ZNF385D: variants seen among roughly 807,000 people sequenced by gnomAD.
ZNF385D encodes zinc finger protein 659.
ZNF385D carries 15 observed loss-of-function variants against 35.8 expected under a neutral mutation model. That is an observed-to-expected ratio of 0.42 (90% CI 0.28 to 0.64). The LOEUF (loss-of-function observed/expected upper bound fraction) is 0.64. ZNF385D is among the 30% of genes least tolerant of loss of function. The probability of loss-of-function intolerance (pLI) is 0.23; values close to 1 mark genes in which losing one functional copy is unlikely to be tolerated. For synonymous variants in ZNF385D, 212 were observed against 186.8 expected (o/e 1.13, Z -1.10); for missense variants, 474 against 494.6 (o/e 0.96, Z 0.39).
At chr3:21,579,253 G>A (rs2063582150) in intron 2 of ZNF385D, 1 of 152,170 alleles carries the variant, frequency 6.6e-6, no homozygotes, top group Non-Finnish European at 1.5e-5. Flanking sequence ...AATTGAAAAG[G>A]AAATATATTC....
intron 3 of ZNF385D, among the ~76,000 whole-genome samples, chr3:22,008,504 C>A (rs988937985): frequency 6.6e-6 from 1 of 151,984 alleles, no homozygotes; most frequent in Non-Finnish European, 1.5e-5. Context: ...CTACAGGCGC[C>A]CGCCACCTCT....
chr3:21,544,239 G>T (rs932119777), intron 3 of ZNF385D, among the ~76,000 whole-genome samples: 3 of 152,214 alleles, frequency 2.0e-5, no homozygotes, highest in African/African-American at 7.2e-5. Context: ...TGCTTTGCCA[G>T]CTTCGCAATT....
chr3:21,806,256 C>A (rs1199699371), intron 3 of ZNF385D, among the ~76,000 whole-genome samples: 2 of 149,602 alleles, frequency 1.3e-5, no homozygotes, highest in Non-Finnish European at 3.0e-5. Context: ...CCAATCTAAA[C>A]TCTTTTTGTA....
intron 3 of ZNF385D, among the ~76,000 whole-genome samples, chr3:22,088,775 G>T (rs1339886639): frequency 6.6e-6 from 1 of 152,032 alleles, no homozygotes; most frequent in Non-Finnish European, 1.5e-5. Flanking sequence ...AAGAAAACCA[G>T]ACAACACTGC....
chr3:21,786,292 C>A (rs980522533), intron 3 of ZNF385D, among the ~76,000 whole-genome samples: 1 of 152,138 alleles, frequency 6.6e-6, no homozygotes, highest in African/African-American at 2.4e-5. Flanking sequence ...GCACGGCATG[C>A]CAGTAAATGT....
At chr3:21,740,009 A>G (rs2069433582) in intron 1 of ZNF385D, among the ~76,000 whole-genome samples, 1 of 152,182 alleles carries the variant, frequency 6.6e-6, no homozygotes, top group Admixed American at 6.5e-5. Flanking sequence ...TGAGAGTTGA[A>G]TCTAAGGTTC....
chr3:21,676,080 T>C (rs1382828858), intron 1 of ZNF385D, among the ~76,000 whole-genome samples: 1 of 152,136 alleles, frequency 6.6e-6, no homozygotes, highest in Non-Finnish European at 1.5e-5. Flanking sequence ...GTTGTTGGCA[T>C]GTCACTGTCA....
intron 3 of ZNF385D, among the ~76,000 whole-genome samples, chr3:21,780,960 C>A (rs2125635574): frequency 6.6e-6 from 1 of 152,118 alleles, no homozygotes; most frequent in Non-Finnish European, 1.5e-5. Context: ...ATAAAATCTC[C>A]AAGTTTAGAG....
rs571987404 is a variant in ZNF385D at position 21,651,275 on chromosome 3, G to A, written c.165+13611C>T. On this transcript the variant is annotated intron_variant, in intron 2 of 7. Transcript: ENST00000281523. ...CGCACTCCAGCCTGGGCGACAGAGC[G>A]AGACTTCATCTCAAAAAAAAAAAAA... 5.4e-3 allele frequency among the ~76,000 whole-genome samples: 612 copies of A among 112,664 alleles called. 2 individuals are homozygous for A. The highest frequency in any genetic ancestry group is 0.02 in the African/African-American group (557 of 28,184). 73.9% of individuals were successfully genotyped at this position (112,664 alleles called of 152,430 possible).
In ZNF385D at chr3:21,975,632, T is replaced by C. The variant is rs181979088; in HGVS notation, c.325+193185A>G. Reference sequence around the variant, plus strand: ...TTTGATGTGATTTTTACACATTGTATACTTTTATCAAAATACCTCATGTGC... The same window carrying C: ...TTTGATGTGATTTTTACACATTGTACACTTTTATCAAAATACCTCATGTGC... On this transcript the variant is annotated intron_variant, in intron 3 of 5. Transcript: ENST00000494108. 1.1e-4 allele frequency among the ~76,000 whole-genome samples: 16 copies of C among 150,628 alleles called. 1 individual carries two copies. Among genetic ancestry groups the C allele is most frequent in the African/African-American group, 2.9e-4 (12 of 41,310 alleles).
intron 2 of ZNF385D, among the ~76,000 whole-genome samples, chr3:22,261,163 C>A (rs1024490340): frequency 6.6e-6 from 1 of 151,916 alleles, no homozygotes; most frequent in South Asian, 2.1e-4. Context: ...CTACTTATAG[C>A]CTCTCAAATT....
chr3:21,436,881 C>A (rs1559446121), intron 5 of ZNF385D, 89 bp downstream of exon 5: 3 of 1,230,088 alleles, frequency 2.4e-6, no homozygotes, highest in South Asian at 1.4e-5. Context: ...TTCCTCCACC[C>A]CTTTGTCCCC....
At chr3:21,582,753 T>A (rs1335989483) in intron 2 of ZNF385D, among the ~76,000 whole-genome samples, 3 of 150,610 alleles carry the variant, frequency 2.0e-5, no homozygotes, top group Non-Finnish European at 3.0e-5. Context: ...TTTTTAACAC[T>A]TTTATTTATT....
At position 22,307,825 on chromosome 3, in the gene ZNF385D, A is replaced by G. The variant is rs537189017; in HGVS notation, c.106+64625T>C. 1.4e-4 allele frequency among the ~76,000 whole-genome samples: 22 copies of G among 152,156 alleles called. No homozygotes were observed. The East Asian group carries it at 2.1e-3, about 15-fold the overall frequency. Reference sequence around the variant, plus strand: ...AAGGCAAATCACATAAGACATATGAAGCAACAAAGAAGAAACACTGCATAT... The same window carrying G: ...AAGGCAAATCACATAAGACATATGAGGCAACAAAGAAGAAACACTGCATAT... On this transcript the variant is annotated intron_variant, in intron 2 of 5. Transcript: ENST00000494108.
At chr3:22,333,677 C>A (rs546446052) in intron 2 of ZNF385D, among the ~76,000 whole-genome samples, 1 of 152,200 alleles carries the variant, frequency 6.6e-6, no homozygotes, top group African/African-American at 2.4e-5. Flanking sequence ...CATTTCCGAA[C>A]TTCCACCTTC....
At chr3:22,284,865 G>A (rs1323469083) in intron 2 of ZNF385D, among the ~76,000 whole-genome samples, 1 of 152,092 alleles carries the variant, frequency 6.6e-6, no homozygotes, top group Admixed American at 6.6e-5. Context: ...AGTCTATTTT[G>A]ACAGACCCAA....
intron 2 of ZNF385D, among the ~76,000 whole-genome samples, chr3:21,594,161 T>C (rs1406362967): frequency 6.6e-6 from 1 of 152,176 alleles, no homozygotes; most frequent in Non-Finnish European, 1.5e-5. Flanking sequence ...AGTTGTTCTT[T>C]TATCAATTAA....
chr3:21,796,474 T>C (rs1461557797), intron 3 of ZNF385D, among the ~76,000 whole-genome samples: 1 of 152,124 alleles, frequency 6.6e-6, no homozygotes, highest in African/African-American at 2.4e-5. Flanking sequence ...GCAAGGCTAG[T>C]TCAAAATTTG....
intron 3 of ZNF385D, among the ~76,000 whole-genome samples, chr3:22,080,665 A>G (rs952484151): frequency 1.3e-5 from 2 of 152,092 alleles, no homozygotes; most frequent in African/African-American, 4.8e-5. Context: ...AAATATCGCT[A>G]TATTCTGAAT....
Sources: gnomAD v4.1 joint callset for allele counts (sites outside exome capture counted in the v4.1 genomes callset) on GRCh38, gnomAD v4.1.1 for gene constraint, MANE v1.5 for transcripts, NCBI Gene and HGNC (gene_info 2026-07-23, HGNC 2026-07-21) for gene names.